The following RANBP10 variants were observed in gnomAD, a reference collection of about 807,000 sequenced individuals.
The protein encoded by RANBP10 is ran-binding protein 10.
RANBP10 carries 24 observed loss-of-function variants against 72.8 expected under a neutral mutation model. The ratio of observed to expected loss-of-function variants is 0.33; its 90% CI spans 0.24 to 0.46. The LOEUF is 0.46. RANBP10 is among the 20% of genes least tolerant of loss of function. RANBP10 has a pLI of 1.00. For synonymous variants in RANBP10, 310 were observed against 322.3 expected, an observed-to-expected ratio of 0.96 and a Z score of 0.41; for missense variants, 679 against 817.5, an observed-to-expected ratio of 0.83 and a Z score of 2.07.
In RANBP10 at chr16:67,738,017, A is replaced by T; in HGVS notation, c.587T>A (p.Leu196His). 1 of 1,590,124 alleles carries T rather than the reference A, an allele frequency of 6.3e-7. No homozygotes were observed. The highest frequency in any genetic ancestry group is 8.6e-7 in the Non-Finnish European group (1 of 1,166,996). ...AGACTCAATAGTAGTACTCACCGGG[A>T]GGTCTGTGAAGGCTATACCTGTGGG... ...GHSLGIAFTDLPANLYPTVGL... is the reference protein window; with the variant it reads ...GHSLGIAFTDHPANLYPTVGL... Residue 196 changes from leucine (L) to histidine (H), a missense_variant, in exon 5 of 14, where the codon CTC becomes CAC. By Grantham distance (99) the Leu-to-His change is moderately conservative (BLOSUM62 -3). Coordinates refer to ENST00000317506, the MANE Select transcript of RANBP10 (RefSeq NM_020850.3).
chr16:67,741,515 C>A (rs961593267), intron 4 of RANBP10, among the ~76,000 whole-genome samples: 1 of 152,216 alleles, frequency 6.6e-6, no homozygotes, highest in Non-Finnish European at 1.5e-5. Context: ...CAAACAGACA[C>A]AGGTCAGGGA....
At chr16:67,775,743 T>G (rs1260205501) in intron 2 of RANBP10, among the ~76,000 whole-genome samples, 2 of 137,232 alleles carry the variant, frequency 1.5e-5, no homozygotes, top group African/African-American at 2.8e-5. Context: ...AGATCAAGAC[T>G]GCAGTAAGCA....
intron 2 of RANBP10, among the ~76,000 whole-genome samples, chr16:67,786,429 C>A (rs997784358): frequency 6.6e-5 from 10 of 152,078 alleles, no homozygotes; most frequent in African/African-American, 2.4e-4. Flanking sequence ...GGTTTAATAT[C>A]AAAAATAAAG....
chr16:67,728,403 A>C lies in RANBP10; in HGVS notation c.1461T>G (p.Asp487Glu). 2.5e-6 allele frequency: 4 copies of C among 1,614,128 alleles called. No individual in the cohort carries two copies. Among genetic ancestry groups the C allele is most frequent in the Non-Finnish European group, 3.4e-6 (4 of 1,180,006 alleles). ...CGTGGCTCTCACCCATGCTGGACTC[A>C]TCCGTCTGCAGGTCCTCATGCTTGT... ...GAYKHEDLQT[D>E]ESSMDDRHPR... Residue 487 changes from aspartate (D) to glutamate (E), a missense_variant, in exon 11 of 14, where the codon GAT becomes GAG. Physicochemically the swap from Asp to Glu is conservative, Grantham distance 45. Transcript: ENST00000317506.
chr16:67,728,563 G>A (rs1421584110), intron 10 of RANBP10, 52 bp from the exon 11 acceptor site: 1 of 1,612,132 alleles, frequency 6.2e-7, no homozygotes, highest in Non-Finnish European at 8.5e-7. Context: ...GGTTGGAGCA[G>A]CCTGGTTGGG....
At position 67,729,475 on chromosome 16, in the gene RANBP10, C is replaced by T. The variant is rs1420896322; in HGVS notation, c.1157G>A (p.Ser386Asn). 2.5e-6 allele frequency: 4 copies of T among 1,611,710 alleles called. No individual in the cohort carries two copies. The highest frequency in any genetic ancestry group is 3.4e-6 in the Non-Finnish European group (4 of 1,179,128). ...SSHMHNTGAD[S>N]PSCSNGVAST... ...CGCGACGCCATTGCTACAGCTGGGA[C>T]TGTCTGCTCCTAGAAGCCAGGGTGA... The change falls in exon 10 of 14, where the codon AGT becomes AAT. Residue 386 changes from serine (S) to asparagine (N), a missense_variant. Coordinates refer to ENST00000317506, the MANE Select transcript of RANBP10 (RefSeq NM_020850.3). The surrounding 1 kb of genome is among the most constrained non-coding windows in gnomAD (Gnocchi z 7.1).
chr16:67,797,519 A>C (rs190086788), intron 2 of RANBP10, among the ~76,000 whole-genome samples: 1 of 152,296 alleles, frequency 6.6e-6, no homozygotes, highest in East Asian at 1.9e-4. Context: ...AAATTTAAAA[A>C]TTAGCCAGGG....
intron 3 of RANBP10, among the ~76,000 whole-genome samples, chr16:67,765,199 C>CAAAAAAAAAAAAAAAAAA (rs569942198): frequency 4.3e-4 from 5 of 11,648 alleles, no homozygotes; most frequent in Non-Finnish European, 6.5e-4. Context: ...GACTCCATCT[C>CAAAAAAAAAAAAAAAAAA]AAAAAAAAAA....
rs1340517577 is a variant in RANBP10 at position 67,806,499 on chromosome 16, G to A, written c.38C>T (p.Pro13Leu). 2 of 1,532,768 alleles carry A rather than the reference G, an allele frequency of 1.3e-6. No individual in the cohort carries two copies. Among genetic ancestry groups the A allele is most frequent in the Admixed American group, 2.1e-5 (1 of 48,602 alleles). 94.9% of individuals were successfully genotyped at this position (1,532,768 alleles called of 1,614,324 possible). A position where few individuals can be genotyped will look rare whatever the true frequency, so the allele number is the denominator to read the frequency against. ...CCCGCCGGAGGAGTCCCCAGGCTGC[G>A]GGTTCCCAGCTCCCGGGTCTGCCGT... ...AATADPGAGN[P>L]QPGDSSGGGA... Residue 13 changes from proline to leucine, a missense_variant, in exon 1 of 14, where the codon CCG (proline) becomes CTG (leucine). Pro to Leu is a moderately conservative substitution (Grantham distance 98). Transcript: ENST00000317506.
intron 3 of RANBP10, among the ~76,000 whole-genome samples, chr16:67,761,961 G>T (rs1373891705): frequency 6.6e-6 from 1 of 152,022 alleles, no homozygotes. Context: ...CCAATAATAA[G>T]AATAGCTAAT....
chr16:67,761,052 T>G (rs1025370611), intron 3 of RANBP10, among the ~76,000 whole-genome samples: 1 of 152,232 alleles, frequency 6.6e-6, no homozygotes, highest in Non-Finnish European at 1.5e-5. Flanking sequence ...GGGGCTGCAG[T>G]TGGATTCACC....
At chr16:67,803,817 G>A (rs1456645869) in intron 2 of RANBP10, among the ~76,000 whole-genome samples, 4 of 126,746 alleles carry the variant, frequency 3.2e-5, no homozygotes, top group African/African-American at 6.1e-5. Flanking sequence ...GACAGAGCAA[G>A]ACCCCATCTC....
chr16:67,803,830 TAAAA>T (rs1186108487), intron 2 of RANBP10, among the ~76,000 whole-genome samples: 2 of 91,602 alleles, frequency 2.2e-5, no homozygotes. Context: ...CCCATCTCAT[TAAAA>T]AAAAAAAAAA....
intron 2 of RANBP10, among the ~76,000 whole-genome samples, chr16:67,795,111 A>G (rs2055105385): frequency 6.6e-6 from 1 of 151,888 alleles, no homozygotes; most frequent in African/African-American, 2.4e-5. Flanking sequence ...TTAGCTGAGC[A>G]TGATGGCATG....
At chr16:67,803,832 A>AG (rs1254634861) in intron 2 of RANBP10, among the ~76,000 whole-genome samples, 2 of 138,866 alleles carry the variant, frequency 1.4e-5, no homozygotes, top group Admixed American at 7.4e-5. Context: ...CATCTCATTA[A>AG]AAAAAAAAAA....
intron 2 of RANBP10, among the ~76,000 whole-genome samples, chr16:67,798,337 T>C (rs929523190): frequency 6.6e-5 from 10 of 152,178 alleles, no homozygotes; most frequent in African/African-American, 1.9e-4. Context: ...ACAATGCATG[T>C]AGACTGGAAC....
At chr16:67,759,295 G>A (rs1309843620) in intron 3 of RANBP10, among the ~76,000 whole-genome samples, 1 of 152,166 alleles carries the variant, frequency 6.6e-6, no homozygotes, top group Non-Finnish European at 1.5e-5. Flanking sequence ...GCAGCACCAG[G>A]TACACAAACC....
At chr16:67,776,323 G>A (rs1009981414) in intron 2 of RANBP10, among the ~76,000 whole-genome samples, 1 of 151,476 alleles carries the variant, frequency 6.6e-6, no homozygotes, top group Non-Finnish European at 1.5e-5. Context: ...TTAGCCGGGT[G>A]TGGTGGAACA....
intron 2 of RANBP10, among the ~76,000 whole-genome samples, chr16:67,793,468 T>C (rs573484363): frequency 1.3e-5 from 2 of 151,608 alleles, no homozygotes; most frequent in South Asian, 2.1e-4. Flanking sequence ...TACGCCACCA[T>C]GCCTGGCTAA....
Sources: allele counts gnomAD v4.1 joint callset (sites outside exome capture counted in the v4.1 genomes callset), GRCh38; gene constraint gnomAD v4.1.1; non-coding constraint Gnocchi (gnomAD v3.1); transcripts MANE v1.5; gene names NCBI Gene and HGNC (gene_info 2026-07-23, HGNC 2026-07-21).